Variants in HCRTR2 observed in about 807,000 individuals in gnomAD.
The protein encoded by HCRTR2 is orexin receptor type 2.
HCRTR2 carries 22 observed loss-of-function variants against 49.0 expected under a neutral mutation model. The ratio of observed to expected loss-of-function variants is 0.45; its 90% CI spans 0.32 to 0.64. The LOEUF (loss-of-function observed/expected upper bound fraction) is 0.64, where lower values mean the gene tolerates loss of function less well. Among genes scored for constraint, HCRTR2 ranks in the 30% least tolerant of loss-of-function variants. HCRTR2 has a pLI of 0.04. For synonymous variants in HCRTR2, 236 were observed against 205.3 expected (o/e 1.15, Z -1.28); for missense variants, 491 against 559.4 (o/e 0.88, Z 1.23).
At chr6:55,165,312 C>T (rs1764861046) in intron 1 of HCRTR2, among the ~76,000 whole-genome samples, 1 of 151,996 alleles carries the variant, frequency 6.6e-6, no homozygotes, top group Non-Finnish European at 1.5e-5. Flanking sequence ...GGTTATGGAA[C>T]ACCATTCAGA....
At chr6:55,277,228 A>G in intron 4 of HCRTR2, 152 bp from the exon 5 acceptor site, 1 of 687,368 alleles carries the variant, frequency 1.5e-6, no homozygotes, top group Non-Finnish European at 2.6e-6. Context: ...AGCACATACT[A>G]AGGTCAGCAA....
At chr6:55,231,008 G>C (rs146542979) in intron 1 of HCRTR2, among the ~76,000 whole-genome samples, 1 of 152,158 alleles carries the variant, frequency 6.6e-6, no homozygotes, top group African/African-American at 2.4e-5. Context: ...CCATAACTCT[G>C]ATACCCATAG....
At chr6:55,189,119 C>G (rs1765273247) in intron 1 of HCRTR2, among the ~76,000 whole-genome samples, 1 of 152,012 alleles carries the variant, frequency 6.6e-6, no homozygotes, top group Non-Finnish European at 1.5e-5. Flanking sequence ...GTTTTTGTGG[C>G]CTTCTTTATT....
chr6:55,121,314 A>G (rs1481455360), intron 1 of HCRTR2, among the ~76,000 whole-genome samples: 2 of 152,108 alleles, frequency 1.3e-5, no homozygotes, highest in African/African-American at 4.8e-5. Context: ...TGATTTTTGC[A>G]CATTGATTTT....
At chr6:55,237,258 T>C (rs1766231712) in intron 1 of HCRTR2, among the ~76,000 whole-genome samples, 1 of 152,190 alleles carries the variant, frequency 6.6e-6, no homozygotes, top group African/African-American at 2.4e-5. Context: ...TTATTTTATG[T>C]TCTAGATAAT....
intron 5 of HCRTR2, 123 bp downstream of exon 5, chr6:55,277,723 G>T: frequency 1.3e-6 from 1 of 748,508 alleles, no homozygotes. Context: ...TACCTTGTCA[G>T]GCCAGATGAC....
intron 5 of HCRTR2, among the ~76,000 whole-genome samples, chr6:55,279,543 A>ACACACACACACACG (rs1767147808): frequency 6.6e-6 from 1 of 151,512 alleles, no homozygotes; most frequent in Admixed American, 6.6e-5. Context: ...ACACACACAC[A>ACACACACACACACG]CACACACACA....
chr6:55,129,688 A>G (rs1432233139), intron 1 of HCRTR2, among the ~76,000 whole-genome samples: 3 of 151,898 alleles, frequency 2.0e-5, no homozygotes, highest in Non-Finnish European at 2.9e-5. Context: ...GATAAAAGCA[A>G]TGGCCACTTA....
chr6:55,243,754 G>C (rs1766378561), intron 1 of HCRTR2, among the ~76,000 whole-genome samples: 1 of 152,138 alleles, frequency 6.6e-6, no homozygotes, highest in South Asian at 2.1e-4. Context: ...TAATGATAAA[G>C]AGCCTTTGTG....
At chr6:55,275,954 A>C (rs1562030925) in intron 4 of HCRTR2, among the ~76,000 whole-genome samples, 1 of 77,918 alleles carries the variant, frequency 1.3e-5, no homozygotes, top group Non-Finnish European at 2.4e-5. Context: ...TAATTGATCT[A>C]TCAGAGATCA....
At position 55,280,566 on chromosome 6, in the gene HCRTR2, AT is replaced by A. The variant is rs1767170979; in HGVS notation, c.1105+125del. On this transcript the variant is annotated intron_variant, in intron 6 of 6. Coordinates refer to ENST00000370862, the MANE Select transcript of HCRTR2 (RefSeq NM_001384272.1). ...TGAGTTGTATTTTTTCCCTGACCTG[AT>A]TTATCTTGAGTTTCTTCTCTTTTGA... 4.5e-6 allele frequency: 6 copies of A among 1,330,492 alleles called. No homozygotes were observed. The Admixed American group carries it at 6.0e-5, about 13-fold the overall frequency. The allele number at this position is 1,330,492 out of a possible 1,614,324, so 82.4% of individuals were successfully genotyped here.
In HCRTR2 at chr6:55,243,883, T is replaced by TCA. The variant is rs1408557981; in HGVS notation, c.224-4755_224-4754dup. 5.9e-5 allele frequency among the ~76,000 whole-genome samples: 9 copies of TCA among 152,184 alleles called. No homozygotes were observed. The East Asian group carries it at 1.5e-3, about 26-fold the overall frequency. ...GATTGGGTATCAAAGAAGAAAGAAG[T>TCA]CATGTTAATTTAGGCTAATTAAAAG... On this transcript the variant is annotated intron_variant, in intron 1 of 6. Transcript: ENST00000370862.
Position 55,167,961 on chromosome 6 carries a change from A to G in HCRTR2, c.-377-6250A>G, listed in dbSNP as rs1448512252. On this transcript the variant is annotated intron_variant, in intron 1 of 7. Coordinates refer to the HCRTR2 transcript ENST00000615358. ...TAAAGATTTAGTAATAGGCAAGAAT[A>G]TACATATCCAGGAATTTCCTTGGTG... Among the ~76,000 whole-genome samples, 6 of 152,354 alleles carry G rather than the reference A, an allele frequency of 3.9e-5. No homozygotes were observed. In the South Asian group the frequency reaches 8.3e-4, roughly 21 times the overall value.
intron 1 of HCRTR2, among the ~76,000 whole-genome samples, chr6:55,165,528 AAC>A (rs1001593871): frequency 3.3e-5 from 5 of 152,000 alleles, no homozygotes; most frequent in African/African-American, 1.2e-4. Flanking sequence ...CTTAGAAAGA[AAC>A]ACAGTAAATT....
intron 1 of HCRTR2, among the ~76,000 whole-genome samples, chr6:55,200,914 C>T (rs569443795): frequency 6.6e-6 from 1 of 152,024 alleles, no homozygotes; most frequent in African/African-American, 2.4e-5. Flanking sequence ...CTAGTGTTGT[C>T]TTGATTTTGA....
intron 1 of HCRTR2, among the ~76,000 whole-genome samples, chr6:55,125,979 T>C (rs967460673): frequency 6.6e-6 from 1 of 152,194 alleles, no homozygotes; most frequent in Non-Finnish European, 1.5e-5. Flanking sequence ...TCGTTTATGT[T>C]CTTCTCTAAG....
chr6:55,249,597 A>G (rs909033296), intron 2 of HCRTR2, among the ~76,000 whole-genome samples: 1 of 152,136 alleles, frequency 6.6e-6, no homozygotes, highest in Non-Finnish European at 1.5e-5. Flanking sequence ...AATAAACATC[A>G]ATTATCAGCA....
chr6:55,197,566 C>T (rs2127282071), intron 1 of HCRTR2, among the ~76,000 whole-genome samples: 1 of 152,282 alleles, frequency 6.6e-6, no homozygotes, highest in Non-Finnish European at 1.5e-5. Context: ...AACTCTACAT[C>T]TAATTATAAC....
At chr6:55,113,739 A>G (rs1277636056) in intron 1 of HCRTR2, among the ~76,000 whole-genome samples, 1 of 151,964 alleles carries the variant, frequency 6.6e-6, no homozygotes, top group Non-Finnish European at 1.5e-5. Context: ...CAGTGCAGAG[A>G]CTCCTTAAAA....
Sources: gnomAD v4.1 joint callset for allele counts (sites outside exome capture counted in the v4.1 genomes callset) on GRCh38, gnomAD v4.1.1 for gene constraint, MANE v1.5 for transcripts, NCBI Gene and HGNC (gene_info 2026-07-23, HGNC 2026-07-21) for gene names.